NOX4: variants seen among roughly 807,000 people sequenced by gnomAD.
NOX4 encodes NADPH oxidase 4, also known as kidney oxidase-1.
In NOX4, 69 loss-of-function variants were observed where a neutral mutation model predicts 87.6. That is an observed-to-expected ratio of 0.79 (90% CI 0.65 to 0.96). The LOEUF (loss-of-function observed/expected upper bound fraction) is 0.96, where lower values mean the gene tolerates loss of function less well. Ranked by LOEUF, NOX4 falls within the 40% of genes least tolerant of loss-of-function variation. NOX4 has a pLI of 0.00. For missense variants in NOX4, 680 were observed against 681.5 expected, an observed-to-expected ratio of 1.00 and a Z score of 0.02; for synonymous variants, 275 against 238.2, an observed-to-expected ratio of 1.15 and a Z score of -1.42.
chr11:89,494,989 C>G (rs1158421225), upstream of NOX4, among the ~76,000 whole-genome samples: 1 of 152,182 alleles, frequency 6.6e-6, no homozygotes, highest in Non-Finnish European at 1.5e-5. Flanking sequence ...GTCACCCAAG[C>G]TGGAGTGGAG....
chr11:89,345,983 A>G (rs139326672), intron 13 of NOX4, among the ~76,000 whole-genome samples: 4 of 152,300 alleles, frequency 2.6e-5, no homozygotes, highest in Non-Finnish European at 5.9e-5. Flanking sequence ...AAGGCATCCA[A>G]ATAAGAAACA....
chr11:89,373,045 A>G (rs1356225414), intron 12 of NOX4, among the ~76,000 whole-genome samples: 1 of 151,828 alleles, frequency 6.6e-6, no homozygotes, highest in African/African-American at 2.4e-5. Flanking sequence ...GTCATGCAAG[A>G]ACTGGAAGAT....
chr11:89,488,854 T>A (rs1013644724), intron 2 of NOX4: 1 of 607,314 alleles, frequency 1.6e-6, no homozygotes, highest in Admixed American at 2.9e-5. Flanking sequence ...ATGTGTTTAT[T>A]AGAAGAAACC....
the NOX4 span, among the ~76,000 whole-genome samples, chr11:89,519,286 T>G: frequency 6.6e-6 from 1 of 152,050 alleles, no homozygotes; most frequent in Non-Finnish European, 1.5e-5. Flanking sequence ...AAATTTTAAT[T>G]TATTTATTTT....
intron 8 of NOX4, among the ~76,000 whole-genome samples, chr11:89,412,652 T>A (rs527979868): frequency 8.5e-5 from 13 of 152,068 alleles, no homozygotes; most frequent in Admixed American, 6.6e-4. Context: ...TAAAACTAGA[T>A]CTCTATCTCT....
intron 12 of NOX4, among the ~76,000 whole-genome samples, chr11:89,362,195 C>A (rs1053708014): frequency 6.6e-6 from 1 of 152,006 alleles, no homozygotes; most frequent in Non-Finnish European, 1.5e-5. Flanking sequence ...CACACACACA[C>A]ACACCTTCTA....
At chr11:89,329,385 A>C (rs1214847377) in intron 17 of NOX4, among the ~76,000 whole-genome samples, 1 of 148,762 alleles carries the variant, frequency 6.7e-6, no homozygotes, top group South Asian at 2.1e-4. Flanking sequence ...AGAACAGAGC[A>C]TAAGTGGCCT....
intron 11 of NOX4, among the ~76,000 whole-genome samples, chr11:89,389,162 C>T (rs1309906666): frequency 6.6e-6 from 1 of 152,062 alleles, no homozygotes; most frequent in Non-Finnish European, 1.5e-5. Flanking sequence ...TATAGGTGTA[C>T]CACAGCAAGA....
the NOX4 span, among the ~76,000 whole-genome samples, chr11:89,575,343 CAAG>C: frequency 7.2e-5 from 11 of 151,890 alleles, no homozygotes; most frequent in Non-Finnish European, 1.6e-4. Flanking sequence ...GTGATGATGC[CAAG>C]AAATTTTTTC....
the NOX4 span, among the ~76,000 whole-genome samples, chr11:89,543,677 A>G: frequency 6.6e-6 from 1 of 152,126 alleles, no homozygotes; most frequent in East Asian, 1.9e-4. Flanking sequence ...ATAAATTTAT[A>G]TAAGAAGTAT....
the NOX4 span, among the ~76,000 whole-genome samples, chr11:89,588,284 G>A: frequency 6.6e-6 from 1 of 152,250 alleles, no homozygotes; most frequent in Admixed American, 6.5e-5. Flanking sequence ...GTCAATGGCA[G>A]AGAAAAGTAA....
chr11:89,548,689 C>T, the NOX4 span: 2 of 152,194 alleles, frequency 1.3e-5, no homozygotes, highest in East Asian at 1.9e-4. Flanking sequence ...TCCTTGCTTT[C>T]ACCTGCCATG....
At chr11:89,341,802 A>G (rs916602946) in intron 14 of NOX4, among the ~76,000 whole-genome samples, 2 of 152,148 alleles carry the variant, frequency 1.3e-5, no homozygotes, top group African/African-American at 4.8e-5. Flanking sequence ...GGACATAGAA[A>G]ATGAAGGATG....
intron 2 of NOX4, among the ~76,000 whole-genome samples, chr11:89,474,458 CAAA>C (rs67342388): frequency 0.071 from 6,911 of 97,026 alleles, 388 homozygotes; most frequent in African/African-American, 0.18. Context: ...TCTATAATAC[CAAA>C]AAAAAAAAAA....
chr11:89,465,558 T>C lies in NOX4; in HGVS notation c.154-13663A>G, dbSNP rs186241959. On this transcript the variant is annotated intron_variant, in intron 2 of 17. Transcript: ENST00000263317. The stretch of plus-strand genomic sequence containing the variant: ...CTAGATCCTTGAGGAATTGCCACAC[T>C]GTCTTCCACAATGGTTGAACTAATT... 8.5e-5 allele frequency among the ~76,000 whole-genome samples: 13 copies of C among 152,352 alleles called. No individual in the cohort carries two copies. In the East Asian group the frequency reaches 2.5e-3, roughly 29 times the overall value.
At chr11:89,406,954 G>C (rs1372905918) in intron 8 of NOX4, among the ~76,000 whole-genome samples, 1 of 152,018 alleles carries the variant, frequency 6.6e-6, no homozygotes, top group African/African-American at 2.4e-5. Context: ...GATTCCAGGG[G>C]TTAGAGAATA....
intron 6 of NOX4, among the ~76,000 whole-genome samples, chr11:89,438,302 G>C (rs1389351973): frequency 8.0e-6 from 1 of 124,644 alleles, no homozygotes; most frequent in Non-Finnish European, 1.6e-5. Flanking sequence ...AAAATATTTT[G>C]AGATGTTAAA....
intron 2 of NOX4, among the ~76,000 whole-genome samples, chr11:89,486,127 C>A (rs1192437593): frequency 6.6e-6 from 1 of 151,440 alleles, no homozygotes; most frequent in Admixed American, 6.6e-5. Context: ...AGAATAATAA[C>A]CCAGAAATAA....
the NOX4 span, among the ~76,000 whole-genome samples, chr11:89,513,853 CAATT>C: frequency 6.6e-6 from 1 of 151,902 alleles, no homozygotes; most frequent in Admixed American, 6.6e-5. Context: ...TTCTACTACT[CAATT>C]TTTTCCTGTT....
Sources: gnomAD v4.1 joint callset for allele counts (sites outside exome capture counted in the v4.1 genomes callset) on GRCh38, gnomAD v4.1.1 for gene constraint, MANE v1.5 for transcripts, NCBI Gene and HGNC (gene_info 2026-07-23, HGNC 2026-07-21) for gene names.